NTMT1: variants seen among roughly 807,000 people sequenced by gnomAD.
NTMT1 encodes the protein N-terminal Xaa-Pro-Lys N-methyltransferase 1, also known as N-terminal RCC1 methyltransferase.
In NTMT1, 8 loss-of-function variants were observed where a neutral mutation model predicts 17.5. That is an observed-to-expected ratio of 0.46 (90% CI 0.27 to 0.82). The LOEUF is 0.82. Among genes scored for constraint, NTMT1 ranks in the 40% least tolerant of loss-of-function variants. The pLI, the probability that NTMT1 is intolerant of heterozygous loss-of-function variation, is 0.15. For synonymous variants in NTMT1, 128 were observed against 126.8 expected, an observed-to-expected ratio of 1.01 and a Z score of -0.06; for missense variants, 221 against 303.5, an observed-to-expected ratio of 0.73 and a Z score of 2.02.
intron 2 of NTMT1, chr9:129,633,632 A>G (rs1192896708): frequency 6.4e-6 from 1 of 156,370 alleles, no homozygotes; most frequent in African/African-American, 2.4e-5. Context: ...AGCCTGGGCA[A>G]CAGACCGAGG....
chr9:129,623,345 A>AAAGAAGGAAG (rs1554775222), upstream of NTMT1, among the ~76,000 whole-genome samples: 3 of 142,714 alleles, frequency 2.1e-5, no homozygotes, highest in East Asian at 2.1e-4. Context: ...AAAAAAAAAA[A>AAAGAAGGAAG]GAAGGAAGGA....
chr9:129,618,513 G>GT (rs1334861011), intron 1 of NTMT1, among the ~76,000 whole-genome samples: 1 of 151,996 alleles, frequency 6.6e-6, no homozygotes, highest in Non-Finnish European at 1.5e-5. Flanking sequence ...GGACAGATGC[G>GT]TGGCTGGATG....
upstream of NTMT1, among the ~76,000 whole-genome samples, chr9:129,623,823 CTTTTCTTTTTTT>C (rs1209684051): frequency 8.3e-4 from 90 of 107,816 alleles, 2 homozygotes; most frequent in African/African-American, 3.1e-3. Context: ...TTTTTCTTTT[CTTTTCTTTTTTT>C]TTTTTTTGGA....
Position 129,620,289 on chromosome 9 carries a change from GCCC to G in NTMT1, c.-55+11114_-55+11116del. The G allele has an allele frequency of 2.4e-6, 3 of 1,266,470 alleles. No homozygotes were observed. The highest frequency in any genetic ancestry group is 3.0e-6 in the Non-Finnish European group (3 of 1,003,074). 78.5% of individuals were successfully genotyped at this position (1,266,470 alleles called of 1,614,324 possible). ...GGAGGCGGCAGCAGGGACCGCAGCA[GCCC>G]CCGCTTCCGCACGGCCCGCCGGGTC... On this transcript the variant is annotated intron_variant, in intron 1 of 3. Transcript: ENST00000372486. This position sits in a 1 kb window ranked among gnomAD's most constrained non-coding sequence, Gnocchi z 5.8.
At chr9:129,631,526 G>A (rs573792924) in intron 1 of NTMT1, among the ~76,000 whole-genome samples, 21 of 152,298 alleles carry the variant, frequency 1.4e-4, no homozygotes, top group Admixed American at 5.9e-4. Flanking sequence ...CGTGGCAACC[G>A]TCTCCTCATC....
Position 129,629,572 on chromosome 9 carries a change from C to T in NTMT1, c.-54-3078C>T, listed in dbSNP as rs998196606. ...AGAGATGGGGTTTCTGAGCCGTGGG[C>T]TTCTTTCTCCTTCCGGCAGTGTTGT... On this transcript the variant is annotated intron_variant, in intron 1 of 3. Coordinates refer to ENST00000372483, the MANE Select transcript of NTMT1 (RefSeq NM_014064.4). Among the ~76,000 whole-genome samples, 3 of 152,106 alleles carry T rather than the reference C, an allele frequency of 2.0e-5. No individual in the cohort carries two copies. The East Asian group carries it at 5.8e-4, about 29-fold the overall frequency.
intron 1 of NTMT1, among the ~76,000 whole-genome samples, chr9:129,621,083 C>T (rs530932879): frequency 5.3e-5 from 8 of 152,358 alleles, no homozygotes; most frequent in Admixed American, 2.0e-4. Flanking sequence ...ACGGCATCAC[C>T]GCATCACCGC....
Position 129,620,427 on chromosome 9 carries a change from C to G in NTMT1, c.-55+11249C>G. 1 of 1,264,014 alleles carries G rather than the reference C, an allele frequency of 7.9e-7. No individual in the cohort carries two copies. The highest frequency in any genetic ancestry group is 1.0e-6 in the Non-Finnish European group (1 of 1,004,648). The allele number at this position is 1,264,014 out of a possible 1,614,324, so 78.3% of individuals were successfully genotyped here. On this transcript the variant is annotated intron_variant, in intron 1 of 3. Coordinates refer to the NTMT1 transcript ENST00000372486. The surrounding 1 kb of genome is among the most constrained non-coding windows in gnomAD (Gnocchi z 5.8). ...CCGCCCCCCGGGATCCTCCAGTCCC[C>G]GGAGCCCCGCGCGCCCAGAGCCGCT...
chr9:129,634,297 T>C lies in NTMT1; in HGVS notation c.406T>C (p.Trp136Arg), dbSNP rs766515517. 6.2e-7 allele frequency: 1 copy of C among 1,602,206 alleles called. No homozygotes were observed. The highest frequency in any genetic ancestry group is 1.7e-5 in the Admixed American group (1 of 59,492). ...PDSYDVIWIQ[W>R]VIGHLTDQHL... is the part of the protein sequence containing the mutation. ...CTCTTACGACGTGATCTGGATCCAG[T>C]GGGTGATAGGTGAGGGTTCCACCGC... is the stretch of plus-strand genomic sequence containing the variant. Residue 136 changes from tryptophan to arginine, a missense_variant, in exon 3 of 4, where the codon TGG becomes CGG. Trp to Arg is a moderately radical substitution (Grantham distance 101). Coordinates refer to ENST00000372483, the MANE Select transcript of NTMT1 (RefSeq NM_014064.4).
chr9:129,620,636 G>T lies in NTMT1; in HGVS notation c.-55+11458G>T. On this transcript the variant is annotated intron_variant, in intron 1 of 3. Transcript: ENST00000372486. This position sits in a 1 kb window ranked among gnomAD's most constrained non-coding sequence, Gnocchi z 5.8. ...CGCGTGGGTGGGGGGCGCCGGCTGA[G>T]GTGGGGAGGGCATAGTCCAGCCCCA... is the stretch of plus-strand genomic sequence containing the variant. 2 of 1,266,824 alleles carry T rather than the reference G, an allele frequency of 1.6e-6. No individual in the cohort carries two copies. The highest frequency in any genetic ancestry group is 2.0e-6 in the Non-Finnish European group (2 of 1,004,250). The allele number at this position is 1,266,824 out of a possible 1,614,324, so 78.5% of individuals were successfully genotyped here.
rs540227595 is a variant in NTMT1, at chr9:129,620,778, G to A, written c.-55+11600G>A. Reference sequence around the variant, plus strand: ...CCTCTGTTTCCTCACCTGAAAAATGGTGACAGCAAGAGTAGCCAACTTTGG... The same window carrying A: ...CCTCTGTTTCCTCACCTGAAAAATGATGACAGCAAGAGTAGCCAACTTTGG... On this transcript the variant is annotated intron_variant, in intron 1 of 3. Coordinates refer to the NTMT1 transcript ENST00000372486. The surrounding 1 kb of genome is among the most constrained non-coding windows in gnomAD (Gnocchi z 5.8). 1 of 432,280 alleles carries A rather than the reference G, an allele frequency of 2.3e-6. No homozygotes were observed. Among genetic ancestry groups the A allele is most frequent in the Non-Finnish European group, 3.9e-6 (1 of 258,868 alleles). The allele number at this position is 432,280 out of a possible 1,614,324, so 26.8% of individuals were successfully genotyped here.
Position 129,620,286 on chromosome 9 carries a change from G to A in NTMT1, c.-55+11108G>A. The A allele has an allele frequency of 1.6e-6, 2 of 1,271,888 alleles. No homozygotes were observed. Among genetic ancestry groups the A allele is most frequent in the Non-Finnish European group, 2.0e-6 (2 of 1,005,980 alleles). The allele number at this position is 1,271,888 out of a possible 1,614,324, so 78.8% of individuals were successfully genotyped here. A position where few individuals can be genotyped will look rare whatever the true frequency, so the allele number is the denominator to read the frequency against. Reference sequence around the variant, plus strand: ...AGGGGAGGCGGCAGCAGGGACCGCAGCAGCCCCCGCTTCCGCACGGCCCGC... The same window carrying A: ...AGGGGAGGCGGCAGCAGGGACCGCAACAGCCCCCGCTTCCGCACGGCCCGC... On this transcript the variant is annotated intron_variant, in intron 1 of 3. Transcript: ENST00000372486. The surrounding 1 kb of genome is among the most constrained non-coding windows in gnomAD (Gnocchi z 5.8).
chr9:129,624,104 G>C (rs1367426534), upstream of NTMT1, among the ~76,000 whole-genome samples: 1 of 151,928 alleles, frequency 6.6e-6, no homozygotes, highest in East Asian at 1.9e-4. Flanking sequence ...TAACTAGATG[G>C]TTTCTAAGGA....
rs189468452 is a variant in NTMT1, at chr9:129,615,240, C to T, written c.-55+6062C>T. Among the ~76,000 whole-genome samples the T allele has an allele frequency of 1.3e-3, 195 of 152,332 alleles. 1 individual carries two copies. The highest frequency in any genetic ancestry group is 4.1e-3 in the African/African-American group (171 of 41,574). Reference sequence around the variant, plus strand: ...ACAGCATATGGGAACCCCTTGGCAGCGAGCAGTCCAAGGTGCTGCCTGCGT... The same window carrying T: ...ACAGCATATGGGAACCCCTTGGCAGTGAGCAGTCCAAGGTGCTGCCTGCGT... On this transcript the variant is annotated intron_variant, in intron 1 of 3. Transcript: ENST00000372486.
chr9:129,629,215 C>T (rs1461985849), intron 1 of NTMT1, among the ~76,000 whole-genome samples: 2 of 152,070 alleles, frequency 1.3e-5, no homozygotes, highest in South Asian at 4.2e-4. Flanking sequence ...GCTCCGGTAC[C>T]TGCTGGCAGA....
exon 1 of NTMT1, chr9:129,609,132 T>C (rs1830060809): frequency 6.6e-6 from 1 of 152,326 alleles, no homozygotes; most frequent in Non-Finnish European, 1.5e-5. Flanking sequence ...GCTCAGGACA[T>C]CTGTAGGACC....
Position 129,635,587 on chromosome 9 carries a change from T to G in NTMT1, c.*123T>G, listed in dbSNP as rs1564351886. The G allele has an allele frequency of 8.5e-7, 1 of 1,182,162 alleles. No individual in the cohort carries two copies. Among genetic ancestry groups the G allele is most frequent in the Non-Finnish European group, 1.2e-6 (1 of 840,826 alleles). 73.2% of individuals were successfully genotyped at this position (1,182,162 alleles called of 1,614,324 possible). A position where few individuals can be genotyped will look rare whatever the true frequency, so the allele number is the denominator to read the frequency against. The stretch of plus-strand genomic sequence containing the variant: ...CGAGGCACCACTAAATATAGCTGTC[T>G]GCCGTCCACTCATTATGCGGGCTCT... On this transcript the variant is annotated 3_prime_UTR_variant, in exon 4 of 4. Transcript: ENST00000372483.
chr9:129,631,364 G>T (rs1435331588), intron 1 of NTMT1, among the ~76,000 whole-genome samples: 1 of 152,216 alleles, frequency 6.6e-6, no homozygotes, highest in African/African-American at 2.4e-5. Flanking sequence ...GTGTGCCTTG[G>T]TGACAGCACT....
chr9:129,631,725 C>T (rs1831178377), intron 1 of NTMT1, among the ~76,000 whole-genome samples: 1 of 152,224 alleles, frequency 6.6e-6, no homozygotes, highest in South Asian at 2.1e-4. Context: ...GCAGTGCCGT[C>T]GCCCTCCACC....
Sources: allele counts gnomAD v4.1 joint callset (sites outside exome capture counted in the v4.1 genomes callset), GRCh38; gene constraint gnomAD v4.1.1; non-coding constraint Gnocchi (gnomAD v3.1); transcripts MANE v1.5; gene names NCBI Gene and HGNC (gene_info 2026-07-23, HGNC 2026-07-21).